HS3ST4: variants seen among roughly 807,000 people sequenced by gnomAD.
HS3ST4 encodes heparan sulfate glucosamine 3-O-sulfotransferase 4.
A neutral mutation model predicts 29.2 loss-of-function variants in HS3ST4; 17 were observed. The ratio of observed to expected loss-of-function variants is 0.58; its 90% CI spans 0.40 to 0.87. The LOEUF (loss-of-function observed/expected upper bound fraction) is 0.87. Ranked by LOEUF, HS3ST4 falls within the 40% of genes least tolerant of loss-of-function variation. The pLI is 0.00. For synonymous variants in HS3ST4, 314 were observed against 285.7 expected (o/e 1.10, Z -1.00); for missense variants, 627 against 634.5 (o/e 0.99, Z 0.13).
chr16:25,738,499 G>A (rs1966627693), intron 1 of HS3ST4, among the ~76,000 whole-genome samples: 1 of 152,160 alleles, frequency 6.6e-6, no homozygotes, highest in Admixed American at 6.5e-5. Context: ...GACATTTTTG[G>A]CTGCTCTAGT....
At chr16:25,870,313 G>T (rs1263793827) in intron 1 of HS3ST4, among the ~76,000 whole-genome samples, 1 of 152,058 alleles carries the variant, frequency 6.6e-6, no homozygotes, top group East Asian at 1.9e-4. Context: ...TGCTGTCTTG[G>T]AACTTATAGT....
At chr16:26,054,080 G>A (rs987058531) in intron 1 of HS3ST4, among the ~76,000 whole-genome samples, 2 of 152,164 alleles carry the variant, frequency 1.3e-5, no homozygotes, top group Non-Finnish European at 2.9e-5. Context: ...ATTGGTCAAA[G>A]CAGGTCATAT....
chr16:25,781,959 C>T (rs1017796696), intron 1 of HS3ST4, among the ~76,000 whole-genome samples: 1 of 152,066 alleles, frequency 6.6e-6, no homozygotes, highest in Non-Finnish European at 1.5e-5. Context: ...TGTTTTCATA[C>T]TGCTAAAAAG....
At chr16:25,982,031 G>GAC (rs140563160) in intron 1 of HS3ST4, among the ~76,000 whole-genome samples, 4,097 of 104,724 alleles carry the variant, frequency 0.039, 191 homozygotes, top group African/African-American at 0.096. Context: ...CACATACTGA[G>GAC]ACACACAGAC....
chr16:26,009,754 G>A (rs1406431722), intron 1 of HS3ST4, among the ~76,000 whole-genome samples: 1 of 152,252 alleles, frequency 6.6e-6, no homozygotes. Flanking sequence ...AGCAGTTCAC[G>A]TGCTTATTAG....
intron 1 of HS3ST4, among the ~76,000 whole-genome samples, chr16:25,819,277 G>A (rs1186305804): frequency 2.0e-5 from 3 of 152,100 alleles, no homozygotes; most frequent in Non-Finnish European, 4.4e-5. Context: ...TCATTCCACT[G>A]CAGCCTGGGC....
chr16:26,079,860 T>C (rs1567307646), intron 1 of HS3ST4, among the ~76,000 whole-genome samples: 1 of 152,194 alleles, frequency 6.6e-6, no homozygotes, highest in African/African-American at 2.4e-5. Flanking sequence ...AGGAAGTCAA[T>C]GTAAACATGG....
chr16:25,999,862 TA>T (rs1284932807), intron 1 of HS3ST4, among the ~76,000 whole-genome samples: 7 of 134,368 alleles, frequency 5.2e-5, no homozygotes, highest in African/African-American at 1.7e-4. Context: ...ATTATATATA[TA>T]TTATATATTT....
chr16:25,828,980 T>C (rs1967266364), intron 1 of HS3ST4, among the ~76,000 whole-genome samples: 1 of 152,196 alleles, frequency 6.6e-6, no homozygotes. Flanking sequence ...GCAGCTTGGG[T>C]TGAGCAATAA....
chr16:25,851,024 G>A (rs551383589), intron 1 of HS3ST4, among the ~76,000 whole-genome samples: 1 of 152,074 alleles, frequency 6.6e-6, no homozygotes. Flanking sequence ...AATTCTAAGC[G>A]GTTGGAGTCT....
At chr16:26,092,621 G>A (rs767085605) in intron 1 of HS3ST4, among the ~76,000 whole-genome samples, 14 of 152,192 alleles carry the variant, frequency 9.2e-5, no homozygotes, top group South Asian at 2.1e-4. Context: ...AAGGAGATCC[G>A]TTCCAAGATG....
intron 1 of HS3ST4, among the ~76,000 whole-genome samples, chr16:26,123,841 T>G (rs1192565701): frequency 6.6e-6 from 1 of 152,252 alleles, no homozygotes; most frequent in Non-Finnish European, 1.5e-5. Flanking sequence ...GCAAAAGACA[T>G]TATTTTGTTC....
intron 1 of HS3ST4, among the ~76,000 whole-genome samples, chr16:25,760,098 A>ATAGCCC (rs1211198986): frequency 2.6e-5 from 4 of 151,722 alleles, no homozygotes; most frequent in African/African-American, 7.3e-5. Flanking sequence ...GAGGGCTGCC[A>ATAGCCC]TAGCCCTAAC....
chr16:26,073,352 C>T (rs1336421814), intron 1 of HS3ST4, among the ~76,000 whole-genome samples: 1 of 140,502 alleles, frequency 7.1e-6, no homozygotes, highest in African/African-American at 2.6e-5. Flanking sequence ...TTCAAGAGTT[C>T]AGATCTTTTC....
chr16:25,937,150 A>G (rs1019675738), intron 1 of HS3ST4, among the ~76,000 whole-genome samples: 1 of 151,890 alleles, frequency 6.6e-6, no homozygotes, highest in Non-Finnish European at 1.5e-5. Context: ...TTTTTGGTCA[A>G]TAGGAAAATT....
At chr16:25,844,109 A>G (rs745518866) in intron 1 of HS3ST4, among the ~76,000 whole-genome samples, 3 of 152,232 alleles carry the variant, frequency 2.0e-5, no homozygotes, top group Admixed American at 6.5e-5. Context: ...CCAAATAAAT[A>G]TATGTTTATT....
chr16:25,986,967 C>T (rs550590777), intron 1 of HS3ST4, among the ~76,000 whole-genome samples: 6 of 152,324 alleles, frequency 3.9e-5, no homozygotes, highest in South Asian at 4.1e-4. Flanking sequence ...GGTTGTTAAT[C>T]GGTCTGGTTA....
At chr16:25,765,712 C>A (rs1966813958) in intron 1 of HS3ST4, among the ~76,000 whole-genome samples, 1 of 152,206 alleles carries the variant, frequency 6.6e-6, no homozygotes. Context: ...TTAGTCGCAT[C>A]ACCTGCTAAT....
chr16:26,011,875 G>A (rs1418296654), intron 1 of HS3ST4, among the ~76,000 whole-genome samples: 1 of 152,160 alleles, frequency 6.6e-6, no homozygotes, highest in East Asian at 1.9e-4. Flanking sequence ...TCACAGAAAT[G>A]AGGATATGAA....
Sources: gnomAD v4.1 joint callset for allele counts (sites outside exome capture counted in the v4.1 genomes callset) on GRCh38, gnomAD v4.1.1 for gene constraint, MANE v1.5 for transcripts, NCBI Gene and HGNC (gene_info 2026-07-23, HGNC 2026-07-21) for gene names.